Variants in ATP10B observed in about 807,000 individuals in gnomAD.
ATP10B encodes the protein phospholipid-transporting ATPase VB.
In ATP10B, 122 loss-of-function variants were observed where a neutral mutation model predicts 141.2. The ratio of observed to expected loss-of-function variants is 0.86; its 90% CI spans 0.75 to 1.00. The LOEUF is 1.00. Ranked by LOEUF, ATP10B falls within the 50% of genes least tolerant of loss-of-function variation. The pLI, the probability that ATP10B is intolerant of heterozygous loss-of-function variation, is 0.00. For missense variants in ATP10B, 1,876 were observed against 1,825.3 expected, an observed-to-expected ratio of 1.03 and a Z score of -0.51; for synonymous variants, 685 against 692.0, an observed-to-expected ratio of 0.99 and a Z score of 0.16.
At chr5:160,849,497 C>T (rs186216132) in intron 1 of ATP10B, among the ~76,000 whole-genome samples, 1 of 152,056 alleles carries the variant, frequency 6.6e-6, no homozygotes, top group South Asian at 2.1e-4. Context: ...ACGTTTAAGA[C>T]AGTACTTAAT....
chr5:160,607,170 A>G (rs1394507503), intron 18 of ATP10B, 84 bp from the exon 19 acceptor site: 5 of 1,203,030 alleles, frequency 4.2e-6, no homozygotes, highest in East Asian at 2.4e-5. Flanking sequence ...TTAGTAAGAT[A>G]GTCATAAAAC....
intron 1 of ATP10B, among the ~76,000 whole-genome samples, chr5:160,848,280 CCTA>C (rs1330414636): frequency 6.6e-6 from 1 of 152,142 alleles, no homozygotes; most frequent in Non-Finnish European, 1.5e-5. Flanking sequence ...GTAGCAAGTT[CCTA>C]CTATGTTCTG....
At chr5:160,635,895 G>A (rs891162059) in intron 11 of ATP10B, among the ~76,000 whole-genome samples, 4 of 152,156 alleles carry the variant, frequency 2.6e-5, no homozygotes, top group African/African-American at 9.7e-5. Context: ...CTGGCAAAGG[G>A]ACAGGCACAT....
At chr5:160,885,429 C>T in the ATP10B span, among the ~76,000 whole-genome samples, 1 of 152,180 alleles carries the variant, frequency 6.6e-6, no homozygotes, top group African/African-American at 2.4e-5. Context: ...GGCTGATAAG[C>T]CCATGTAAAC....
intron 2 of ATP10B, among the ~76,000 whole-genome samples, chr5:160,762,723 T>C (rs982102657): frequency 6.6e-6 from 1 of 152,018 alleles, no homozygotes; most frequent in Non-Finnish European, 1.5e-5. Flanking sequence ...ATCTCAATAC[T>C]AATGTTGAAT....
intron 1 of ATP10B, among the ~76,000 whole-genome samples, chr5:160,829,353 C>T (rs1774895262): frequency 6.6e-6 from 1 of 152,122 alleles, no homozygotes; most frequent in Non-Finnish European, 1.5e-5. Flanking sequence ...GTTTTGGTTA[C>T]TGCACGCTTA....
At chr5:160,628,558 C>T (rs1486527413) in intron 13 of ATP10B, among the ~76,000 whole-genome samples, 1 of 151,952 alleles carries the variant, frequency 6.6e-6, no homozygotes, top group Non-Finnish European at 1.5e-5. Context: ...ATGACACCTC[C>T]TTCGCTCCTC....
chr5:160,857,987 G>T, the ATP10B span, among the ~76,000 whole-genome samples: 2 of 151,338 alleles, frequency 1.3e-5, no homozygotes, highest in South Asian at 4.2e-4. Context: ...TTTTCTTGGG[G>T]GAGAAGTATT....
chr5:160,802,459 T>C (rs1384987502), intron 1 of ATP10B, among the ~76,000 whole-genome samples: 1 of 152,220 alleles, frequency 6.6e-6, no homozygotes, highest in African/African-American at 2.4e-5. Context: ...TTGTCGCACC[T>C]GGGGAAGTCT....
the ATP10B span, among the ~76,000 whole-genome samples, chr5:160,893,553 G>T: frequency 1.3e-5 from 2 of 152,294 alleles, no homozygotes; most frequent in African/African-American, 4.8e-5. Context: ...CCAATCAAGA[G>T]CTTATAGATA....
At chr5:160,706,559 C>T (rs1375006383) in intron 3 of ATP10B, among the ~76,000 whole-genome samples, 1 of 152,172 alleles carries the variant, frequency 6.6e-6, no homozygotes, top group South Asian at 2.1e-4. Flanking sequence ...GCCAGAATTC[C>T]ACTTAGGTTT....
intron 9 of ATP10B, among the ~76,000 whole-genome samples, chr5:160,642,235 T>C (rs1467602967): frequency 2.6e-5 from 4 of 152,148 alleles, no homozygotes; most frequent in Non-Finnish European, 5.9e-5. Flanking sequence ...AAATGGGAGA[T>C]GATTGTGGTG....
Position 160,687,936 on chromosome 5 carries a change from C to A in ATP10B, c.139G>T (p.Val47Phe). ...RQSYNLTQQRVVFPNNSIFHQ... is the reference protein window; with the variant it reads ...RQSYNLTQQRFVFPNNSIFHQ... ...AATATGCTGTTGTTGGGGAACACGA[C>A]CCGCTGCTGTGTCAAGTTGTAGCTC... Residue 47 changes from valine to phenylalanine, a missense_variant, in exon 5 of 26, where the codon GTC becomes TTC. Coordinates refer to ENST00000327245, the MANE Select transcript of ATP10B (RefSeq NM_025153.3). The A allele has an allele frequency of 1.2e-6, 2 of 1,614,128 alleles. No individual in the cohort carries two copies. The highest frequency in any genetic ancestry group is 1.7e-6 in the Non-Finnish European group (2 of 1,180,026).
rs746048369 is a variant in ATP10B at position 160,598,842 on chromosome 5, G to C, written c.3492C>G (p.Val1164=). 1.8e-5 allele frequency: 29 copies of C among 1,614,046 alleles called. 1 individual carries two copies. In the South Asian group the frequency reaches 3.2e-4, roughly 18 times the overall value. Residue 1164 remains valine (V), a synonymous_variant, in exon 22 of 26, where the codon GTC becomes GTG. Coordinates refer to ENST00000327245, the MANE Select transcript of ATP10B (RefSeq NM_025153.3). ...FTSLPPLVFG[V]LDKDISAETL... is the part of the protein sequence containing the mutation. ...TTTCTGCAGAGATGTCTTTGTCAAG[G>C]ACTCCAAAGACAAGAGGAGGCAAGG... is the stretch of plus-strand genomic sequence containing the variant.
intron 19 of ATP10B, among the ~76,000 whole-genome samples, chr5:160,606,488 T>C (rs1478045012): frequency 6.6e-6 from 1 of 152,246 alleles, no homozygotes. Context: ...TCTTGAGCTA[T>C]CTGGATTCAC....
chr5:160,666,671 C>A (rs958351646), intron 7 of ATP10B, among the ~76,000 whole-genome samples: 2 of 152,162 alleles, frequency 1.3e-5, no homozygotes, highest in African/African-American at 4.8e-5. Flanking sequence ...CCGAGTTAGC[C>A]AGAAGCGAGT....
intron 13 of ATP10B, among the ~76,000 whole-genome samples, chr5:160,625,304 G>A (rs1434266819): frequency 6.6e-6 from 1 of 152,142 alleles, no homozygotes; most frequent in Non-Finnish European, 1.5e-5. Context: ...TAGTGTCTGG[G>A]CATCTCAAAC....
intron 13 of ATP10B, among the ~76,000 whole-genome samples, chr5:160,630,477 T>G (rs1269911668): frequency 6.6e-6 from 1 of 152,176 alleles, no homozygotes; most frequent in Admixed American, 6.5e-5. Flanking sequence ...TTTCTCCCGC[T>G]CATTTTCTGG....
chr5:160,718,902 G>C (rs1765815376), intron 2 of ATP10B, among the ~76,000 whole-genome samples: 1 of 152,098 alleles, frequency 6.6e-6, no homozygotes, highest in Non-Finnish European at 1.5e-5. Context: ...TCGTGAACAG[G>C]GACTACGTCT....
Sources: allele counts gnomAD v4.1 joint callset (sites outside exome capture counted in the v4.1 genomes callset), GRCh38; gene constraint gnomAD v4.1.1; transcripts MANE v1.5; gene names NCBI Gene and HGNC (gene_info 2026-07-23, HGNC 2026-07-21).